Variants in SPOCK1 observed in about 807,000 individuals in gnomAD.
The protein encoded by SPOCK1 is SPARC (osteonectin), cwcv and kazal like domains proteoglycan 1.
In SPOCK1, 23 loss-of-function variants were observed where a neutral mutation model predicts 55.3. The observed-to-expected ratio is 0.42, with a 90% CI of 0.30 to 0.59. The LOEUF (loss-of-function observed/expected upper bound fraction) is 0.59. Among genes scored for constraint, SPOCK1 ranks in the 20% least tolerant of loss-of-function variants. SPOCK1 has a pLI of 0.22. For synonymous variants in SPOCK1, 226 were observed against 221.0 expected (o/e 1.02, Z -0.20); for missense variants, 499 against 552.5 (o/e 0.90, Z 0.97).
intron 3 of SPOCK1, among the ~76,000 whole-genome samples, chr5:137,225,685 A>G (rs1755930865): frequency 6.6e-6 from 1 of 152,186 alleles, no homozygotes; most frequent in Non-Finnish European, 1.5e-5. Flanking sequence ...AAGGCTTGGG[A>G]AAACACAGGT....
At chr5:137,043,012 G>C (rs949126602) in intron 6 of SPOCK1, among the ~76,000 whole-genome samples, 3 of 152,050 alleles carry the variant, frequency 2.0e-5, no homozygotes, top group Admixed American at 6.5e-5. Flanking sequence ...AAAAGAACCA[G>C]GTCTGTTTGT....
At chr5:137,435,628 G>A (rs1169466397) in intron 2 of SPOCK1, among the ~76,000 whole-genome samples, 1 of 152,140 alleles carries the variant, frequency 6.6e-6, no homozygotes, top group Non-Finnish European at 1.5e-5. Context: ...ATTTCTTTAA[G>A]TAAAGTGGGA....
intron 6 of SPOCK1, among the ~76,000 whole-genome samples, chr5:137,035,012 G>A (rs982138790): frequency 5.3e-5 from 8 of 152,166 alleles, no homozygotes; most frequent in Non-Finnish European, 1.0e-4. Context: ...CTACTGCTGG[G>A]GTTGGCTGTG....
rs191992209 is a variant in SPOCK1 at position 137,093,446 on chromosome 5, T to C, written c.474+18989A>G. Among the ~76,000 whole-genome samples, 76 of 152,332 alleles carry C rather than the reference T, an allele frequency of 5.0e-4. 1 individual carries two copies. Among genetic ancestry groups the C allele is most frequent in the African/African-American group, 1.7e-3 (70 of 41,576 alleles). ...CACAGTGTTTACTGAGAATCTACCA[T>C]ATGCTAGGCCCCATTCTAGAAATTC... On this transcript the variant is annotated intron_variant, in intron 5 of 10. Coordinates refer to ENST00000394945, the MANE Select transcript of SPOCK1 (RefSeq NM_004598.4).
intron 2 of SPOCK1, among the ~76,000 whole-genome samples, chr5:137,364,179 C>T (rs147281482): frequency 2.1e-3 from 314 of 152,328 alleles, no homozygotes; most frequent in African/African-American, 7.2e-3. Context: ...CTGACTGAGG[C>T]TGCCTCACTG....
intron 2 of SPOCK1, among the ~76,000 whole-genome samples, chr5:137,306,471 C>T (rs1000116211): frequency 9.2e-5 from 14 of 152,104 alleles, no homozygotes; most frequent in African/African-American, 3.1e-4. Context: ...GAGCAGGGGA[C>T]ATCTGTGTAG....
intron 3 of SPOCK1, among the ~76,000 whole-genome samples, chr5:137,160,583 T>TA (rs1754521335): frequency 1.3e-5 from 1 of 75,408 alleles, no homozygotes; most frequent in African/African-American, 5.5e-5. Flanking sequence ...ATATAATATA[T>TA]ATAATATATA....
intron 3 of SPOCK1, among the ~76,000 whole-genome samples, chr5:137,144,488 G>C (rs1447888441): frequency 6.6e-6 from 1 of 152,222 alleles, no homozygotes; most frequent in African/African-American, 2.4e-5. Flanking sequence ...TAGAGTAAAT[G>C]AACTTCACAG....
chr5:137,185,513 T>C (rs1316620144), intron 3 of SPOCK1, among the ~76,000 whole-genome samples: 2 of 152,240 alleles, frequency 1.3e-5, no homozygotes, highest in African/African-American at 2.4e-5. Context: ...ATTCAGGAAA[T>C]AGAAACGGAC....
intron 2 of SPOCK1, among the ~76,000 whole-genome samples, chr5:137,417,119 C>T (rs1283927675): frequency 6.6e-6 from 1 of 151,856 alleles, no homozygotes; most frequent in African/African-American, 2.4e-5. Context: ...TATTTTCTCC[C>T]AGCAGGTGTC....
intron 5 of SPOCK1, among the ~76,000 whole-genome samples, chr5:137,084,691 G>A (rs894332881): frequency 5.9e-5 from 9 of 151,832 alleles, no homozygotes; most frequent in East Asian, 1.9e-4. Flanking sequence ...AAACCACAGC[G>A]CCTTACCAAG....
chr5:137,180,775 A>C (rs1402821656), intron 3 of SPOCK1, among the ~76,000 whole-genome samples: 1 of 152,192 alleles, frequency 6.6e-6, no homozygotes, highest in African/African-American at 2.4e-5. Flanking sequence ...AGTCTCTGAC[A>C]AACAGTCTCA....
At chr5:137,486,657 G>A (rs1456097689) in intron 2 of SPOCK1, among the ~76,000 whole-genome samples, 1 of 152,164 alleles carries the variant, frequency 6.6e-6, no homozygotes, top group Non-Finnish European at 1.5e-5. Flanking sequence ...AAAGATCTAG[G>A]ACCTGGATGG....
chr5:137,417,589 T>C (rs573797332), intron 2 of SPOCK1, among the ~76,000 whole-genome samples: 7 of 152,128 alleles, frequency 4.6e-5, no homozygotes, highest in Non-Finnish European at 7.4e-5. Context: ...AATTGATAAA[T>C]GTTACCTGCT....
intron 2 of SPOCK1, among the ~76,000 whole-genome samples, chr5:137,447,406 TC>T (rs1210740420): frequency 6.6e-6 from 1 of 152,312 alleles, no homozygotes; most frequent in African/African-American, 2.4e-5. Context: ...AAACCAGTGG[TC>T]CTCTACTAGT....
At chr5:137,480,872 G>A (rs1753937199) in intron 2 of SPOCK1, among the ~76,000 whole-genome samples, 1 of 152,168 alleles carries the variant, frequency 6.6e-6, no homozygotes, top group African/African-American at 2.4e-5. Flanking sequence ...CATACAAAGG[G>A]ACCAAAAGAA....
At chr5:137,334,684 T>A (rs1237118304) in intron 2 of SPOCK1, among the ~76,000 whole-genome samples, 1 of 152,194 alleles carries the variant, frequency 6.6e-6, no homozygotes, top group East Asian at 1.9e-4. Flanking sequence ...GGTCCCCTGT[T>A]GAGGTCAGAG....
chr5:137,082,761 G>T (rs1000978133), intron 5 of SPOCK1, among the ~76,000 whole-genome samples: 8 of 152,218 alleles, frequency 5.3e-5, no homozygotes, highest in African/African-American at 1.9e-4. Flanking sequence ...AAGTGGGGCA[G>T]CTTCAAAGAC....
chr5:137,254,281 T>C (rs538137710), intron 3 of SPOCK1, among the ~76,000 whole-genome samples: 10 of 152,216 alleles, frequency 6.6e-5, no homozygotes, highest in Non-Finnish European at 1.0e-4. Context: ...TGGATTTCTA[T>C]TGGTATTTTT....
Sources: gnomAD v4.1 joint callset for allele counts (sites outside exome capture counted in the v4.1 genomes callset) on GRCh38, gnomAD v4.1.1 for gene constraint, MANE v1.5 for transcripts, NCBI Gene and HGNC (gene_info 2026-07-23, HGNC 2026-07-21) for gene names.